The following SNX30 variants were observed in gnomAD, a reference collection of about 807,000 sequenced individuals.
SNX30 encodes sorting nexin-30.
Under a neutral mutation model 46.4 loss-of-function variants are expected in SNX30, and 24 were observed. That is an observed-to-expected ratio of 0.52 (90% CI 0.37 to 0.73). The LOEUF (loss-of-function observed/expected upper bound fraction) is 0.73. Ranked by LOEUF, SNX30 falls within the 30% of genes least tolerant of loss-of-function variation. The pLI is 0.00. For synonymous variants in SNX30, 189 were observed against 211.5 expected (o/e 0.89, Z 0.92); for missense variants, 533 against 555.7 (o/e 0.96, Z 0.41).
At position 112,778,891 on chromosome 9, in the gene SNX30, T is replaced by TGG. The variant is rs11288719; in HGVS notation, c.157-25875_157-25874dup. Among the ~76,000 whole-genome samples, 11 of 130,988 alleles carry TGG rather than the reference T, an allele frequency of 8.4e-5. 1 individual carries two copies. Among genetic ancestry groups the TGG allele is most frequent in the Admixed American group, 6.0e-4 (8 of 13,292 alleles). 85.9% of individuals were successfully genotyped at this position (130,988 alleles called of 152,430 possible). On this transcript the variant is annotated intron_variant, in intron 1 of 8. Transcript: ENST00000374232. Reference sequence around the variant, plus strand: ...GGTACAGGGGCATGATGAGAGAACTTGGGGGGGGGGGATTTGCACAGCCCA... The same window carrying TGG: ...GGTACAGGGGCATGATGAGAGAACTTGGGGGGGGGGGGGATTTGCACAGCCCA...
downstream of SNX30, chr9:112,877,659 A>G (rs1841533678): frequency 6.6e-6 from 1 of 151,908 alleles, no homozygotes; most frequent in Non-Finnish European, 1.5e-5. Flanking sequence ...ATATTTTTCC[A>G]TATCCATCTA....
At chr9:112,758,459 A>G (rs1294998672) in intron 1 of SNX30, among the ~76,000 whole-genome samples, 2 of 152,058 alleles carry the variant, frequency 1.3e-5, no homozygotes, top group Non-Finnish European at 2.9e-5. Context: ...CCTCCTGAGT[A>G]GCTGGGACCA....
At chr9:112,768,647 C>CT (rs58983756) in intron 1 of SNX30, among the ~76,000 whole-genome samples, 48 of 64,364 alleles carry the variant, frequency 7.5e-4, no homozygotes, top group Non-Finnish European at 1.3e-3. Flanking sequence ...ATTCTTTCTT[C>CT]TTTTTTTTTT....
At chr9:112,793,797 G>GT (rs200559435) in intron 1 of SNX30, among the ~76,000 whole-genome samples, 12,901 of 135,720 alleles carry the variant, frequency 0.095, 702 homozygotes, top group Admixed American at 0.18. Context: ...TACCTCCACT[G>GT]TTTTTTGTTT....
chr9:112,763,324 G>A (rs1458090216), intron 1 of SNX30, among the ~76,000 whole-genome samples: 2 of 140,394 alleles, frequency 1.4e-5, no homozygotes, highest in African/African-American at 5.4e-5. Flanking sequence ...ACCAGTCTTA[G>A]CTCCTAGTGG....
downstream of SNX30, among the ~76,000 whole-genome samples, chr9:112,883,676 T>C (rs1459778124): frequency 6.8e-6 from 1 of 147,074 alleles, no homozygotes; most frequent in Non-Finnish European, 1.5e-5. Flanking sequence ...GGCTTCTCTT[T>C]TCTGTTTTTT....
intron 8 of SNX30, among the ~76,000 whole-genome samples, chr9:112,865,673 A>ATG (rs1841324662): frequency 5.7e-5 from 6 of 105,716 alleles, no homozygotes; most frequent in Admixed American, 3.8e-4. Context: ...GTATGTATGT[A>ATG]TGCACACACA....
chr9:112,811,024 G>A (rs997903248), intron 2 of SNX30, among the ~76,000 whole-genome samples: 8 of 152,158 alleles, frequency 5.3e-5, no homozygotes, highest in African/African-American at 1.7e-4. Context: ...GGAGAGCCAG[G>A]TTTCAGAATT....
chr9:112,838,404 A>C, intron 5 of SNX30, 94 bp from the exon 6 acceptor site: 2 of 1,025,624 alleles, frequency 2.0e-6, no homozygotes, highest in South Asian at 3.1e-5. Flanking sequence ...ACACATGTTC[A>C]TGTAGAGAGC....
intron 1 of SNX30, among the ~76,000 whole-genome samples, chr9:112,763,370 T>C (rs1162039023): frequency 4.8e-5 from 6 of 125,828 alleles, no homozygotes; most frequent in African/African-American, 1.5e-4. Context: ...CTTTTTTTTT[T>C]TTTTTTTTTT....
intron 2 of SNX30, among the ~76,000 whole-genome samples, chr9:112,807,658 C>A (rs1399529001): frequency 6.6e-6 from 1 of 152,174 alleles, no homozygotes; most frequent in Admixed American, 6.5e-5. Flanking sequence ...ACAAAGTGAC[C>A]GCCTTGCTGG....
intron 4 of SNX30, among the ~76,000 whole-genome samples, chr9:112,831,423 A>G (rs1840658129): frequency 6.6e-6 from 1 of 152,186 alleles, no homozygotes; most frequent in African/African-American, 2.4e-5. Context: ...ACTTGGCAGT[A>G]TTACTGGGTG....
chr9:112,827,658 T>C (rs1840597975), intron 3 of SNX30, among the ~76,000 whole-genome samples: 1 of 152,188 alleles, frequency 6.6e-6, no homozygotes, highest in Non-Finnish European at 1.5e-5. Context: ...TAATCCTTGT[T>C]GCTATGTCTT....
At chr9:112,865,737 ATGAG>A (rs1443061393) in intron 8 of SNX30, among the ~76,000 whole-genome samples, 15 of 144,804 alleles carry the variant, frequency 1.0e-4, no homozygotes, top group Non-Finnish European at 1.5e-4. Flanking sequence ...ACATACACAC[ATGAG>A]TGAGTGTGTG....
intron 6 of SNX30, among the ~76,000 whole-genome samples, chr9:112,850,318 G>A (rs1799841769): frequency 6.6e-6 from 1 of 152,234 alleles, no homozygotes; most frequent in African/African-American, 2.4e-5. Flanking sequence ...CTCTCAGGTA[G>A]GGAGTGCATC....
chr9:112,882,445 G>A (rs62577669), downstream of SNX30, among the ~76,000 whole-genome samples: 9,513 of 152,206 alleles, frequency 0.063, 381 homozygotes, highest in Non-Finnish European at 0.093. Flanking sequence ...TGAAAGCCAA[G>A]TGCAGGGCTT....
chr9:112,841,589 TAAG>T (rs1306947055), intron 6 of SNX30, among the ~76,000 whole-genome samples: 3 of 152,192 alleles, frequency 2.0e-5, no homozygotes, highest in Non-Finnish European at 2.9e-5. Flanking sequence ...GTCCAATTAA[TAAG>T]AAACAGGGCC....
At chr9:112,842,394 C>G (rs895731075) in intron 6 of SNX30, among the ~76,000 whole-genome samples, 6 of 152,214 alleles carry the variant, frequency 3.9e-5, no homozygotes, top group African/African-American at 1.4e-4. Flanking sequence ...TTGTCCTCAT[C>G]ATTTGGAAGT....
intron 4 of SNX30, among the ~76,000 whole-genome samples, chr9:112,832,705 A>G (rs1027269089): frequency 2.0e-5 from 3 of 150,528 alleles, no homozygotes; most frequent in Non-Finnish European, 3.0e-5. Flanking sequence ...GCAGCACACC[A>G]ACATGGCACA....
Sources: allele counts gnomAD v4.1 joint callset (sites outside exome capture counted in the v4.1 genomes callset), GRCh38; gene constraint gnomAD v4.1.1; transcripts MANE v1.5; gene names NCBI Gene and HGNC (gene_info 2026-07-23, HGNC 2026-07-21).